The following INSL6 variants were observed in gnomAD, a reference collection of about 807,000 sequenced individuals.
INSL6 encodes the protein insulin like 6.
Under a neutral mutation model 9.4 loss-of-function variants are expected in INSL6, and 16 were observed. The observed-to-expected ratio is 1.70, with a 90% CI of 1.15 to 2.59. The LOEUF is 2.59. Ranked by LOEUF, INSL6 falls within the 30% of genes most tolerant of loss-of-function variation. The pLI, the probability that INSL6 is intolerant of heterozygous loss-of-function variation, is 0.00. For missense variants in INSL6, 391 were observed against 257.3 expected (o/e 1.52, Z -3.56); for synonymous variants, 154 against 96.9 (o/e 1.59, Z -3.46).
the INSL6 span, chr9:5,114,179 G>A: frequency 9.2e-4 from 402 of 436,754 alleles, 1 homozygote; most frequent in African/African-American, 6.9e-3. Flanking sequence ...ATTCTAACCC[G>A]CAAGGGGTGA....
chr9:5,184,529 G>T (rs1825526920), intron 1 of INSL6, among the ~76,000 whole-genome samples: 1 of 152,182 alleles, frequency 6.6e-6, no homozygotes, highest in Non-Finnish European at 1.5e-5. Context: ...CGATGTGCTA[G>T]GCCATCTGCT....
downstream of INSL6, among the ~76,000 whole-genome samples, chr9:5,160,897 C>G (rs1471461518): frequency 6.6e-6 from 1 of 152,024 alleles, no homozygotes; most frequent in East Asian, 1.9e-4. Flanking sequence ...ATGAAGAAAT[C>G]CAAAACCTGT....
chr9:5,022,280 T>C, the INSL6 span: 17 of 1,010,080 alleles, frequency 1.7e-5, no homozygotes, highest in African/African-American at 3.2e-5. Flanking sequence ...ATGCTAATAC[T>C]AGGTACATGC....
At chr9:5,147,134 T>A (rs910863285) in intron 2 of INSL6, among the ~76,000 whole-genome samples, 2 of 152,134 alleles carry the variant, frequency 1.3e-5, no homozygotes, top group Non-Finnish European at 2.9e-5. Flanking sequence ...ATCAGTTAGT[T>A]GCTGCTCTAC....
the INSL6 span, among the ~76,000 whole-genome samples, chr9:5,088,062 T>G: frequency 6.6e-6 from 1 of 152,354 alleles, no homozygotes; most frequent in East Asian, 1.9e-4. Flanking sequence ...CTAAAATGTG[T>G]TTTGGAATAA....
chr9:5,117,023 G>A, the INSL6 span, among the ~76,000 whole-genome samples: 2 of 152,166 alleles, frequency 1.3e-5, no homozygotes, highest in East Asian at 3.8e-4. Flanking sequence ...CTTATAAGAG[G>A]CTTCATGCAG....
the INSL6 span, chr9:5,111,068 G>A: frequency 1.2e-5 from 14 of 1,204,358 alleles, no homozygotes; most frequent in Non-Finnish European, 1.5e-5. Flanking sequence ...CTTGAGAACT[G>A]GCCCAGCTCA....
chr9:5,053,469 A>G, the INSL6 span, among the ~76,000 whole-genome samples: 15 of 152,146 alleles, frequency 9.9e-5, no homozygotes, highest in Middle Eastern at 3.4e-3. Context: ...TTGTAGCACA[A>G]AAGTTTTAAT....
intron 2 of INSL6, among the ~76,000 whole-genome samples, chr9:5,137,857 T>A (rs10283617): frequency 0.026 from 3,949 of 151,916 alleles, 177 homozygotes; most frequent in African/African-American, 0.089. Context: ...AGGGCTAATA[T>A]CCAGAATCTA....
the INSL6 span, among the ~76,000 whole-genome samples, chr9:5,039,341 C>G: frequency 1.3e-5 from 2 of 152,014 alleles, no homozygotes; most frequent in African/African-American, 4.8e-5. Flanking sequence ...TCATTACTCC[C>G]TAAAGAATAC....
the INSL6 span, among the ~76,000 whole-genome samples, chr9:5,071,893 C>T: frequency 6.6e-6 from 1 of 152,236 alleles, no homozygotes; most frequent in East Asian, 1.9e-4. Flanking sequence ...TAAAGATATG[C>T]AAGAAATACT....
chr9:5,167,751 C>T (rs939786074), intron 1 of INSL6, among the ~76,000 whole-genome samples: 1 of 152,212 alleles, frequency 6.6e-6, no homozygotes, highest in South Asian at 2.1e-4. Context: ...GGCAGCCAGA[C>T]TGCTTATTTA....
chr9:5,016,792 T>A, the INSL6 span, among the ~76,000 whole-genome samples: 1 of 152,082 alleles, frequency 6.6e-6, no homozygotes, highest in South Asian at 2.1e-4. Flanking sequence ...TATCCTAACT[T>A]TTTTTCACCA....
the INSL6 span, among the ~76,000 whole-genome samples, chr9:5,024,341 T>G: frequency 1.3e-5 from 2 of 152,186 alleles, no homozygotes; most frequent in African/African-American, 4.8e-5. Context: ...TTTGACAGAT[T>G]TTATTGAATT....
chr9:5,046,676 G>A, the INSL6 span, among the ~76,000 whole-genome samples: 3 of 152,076 alleles, frequency 2.0e-5, no homozygotes, highest in African/African-American at 4.8e-5. Flanking sequence ...AATGGTCTTG[G>A]CACCTTTGTT....
chr9:5,062,500 TAAAAAAAAAAAAAAAA>T, the INSL6 span, among the ~76,000 whole-genome samples: 257 of 58,252 alleles, frequency 4.4e-3, 2 homozygotes, highest in Middle Eastern at 8.2e-3. Flanking sequence ...CTTCCATTTG[TAAAAAAAAAAAAAAAA>T]AAAAAAAAAA....
At chr9:5,102,714 C>G in the INSL6 span, among the ~76,000 whole-genome samples, 1 of 152,168 alleles carries the variant, frequency 6.6e-6, no homozygotes, top group Admixed American at 6.5e-5. Flanking sequence ...ACTCTACAAG[C>G]CAGAAGAGAG....
the INSL6 span, among the ~76,000 whole-genome samples, chr9:5,033,827 A>G: frequency 3.9e-5 from 6 of 152,228 alleles, no homozygotes; most frequent in Middle Eastern, 3.2e-3. Context: ...AAGAAACTGC[A>G]TCAACTAATG....
rs1824259859 is a variant in INSL6 at position 5,130,740 on chromosome 9, T to C, written c.*10+2685A>G. Among the ~76,000 whole-genome samples, 4 of 151,208 alleles carry C rather than the reference T, an allele frequency of 2.6e-5. No individual in the cohort carries two copies. The South Asian group carries it at 8.3e-4, about 31-fold the overall frequency. On this transcript the variant is annotated intron_variant, in intron 3 of 3. Coordinates refer to the INSL6 transcript ENST00000649639. ...TTTTATTTTTTATTTTTTTTTTTATTTTTTTTGAGACGGAGTCTCGCTCTG... is the reference window on the plus strand; with the variant it reads ...TTTTATTTTTTATTTTTTTTTTTATCTTTTTTGAGACGGAGTCTCGCTCTG...
Sources: allele counts gnomAD v4.1 joint callset (sites outside exome capture counted in the v4.1 genomes callset), GRCh38; gene constraint gnomAD v4.1.1; transcripts MANE v1.5; gene names NCBI Gene and HGNC (gene_info 2026-07-23, HGNC 2026-07-21).